The following SUSD3 variants were observed in gnomAD, a reference collection of about 807,000 sequenced individuals.
SUSD3 encodes the protein sushi domain-containing protein 3.
A neutral mutation model predicts 20.6 loss-of-function variants in SUSD3; 18 were observed. The ratio of observed to expected loss-of-function variants is 0.87; its 90% CI spans 0.60 to 1.30. The LOEUF is 1.30. Ranked by LOEUF, SUSD3 falls within the 50% of genes most tolerant of loss-of-function variation. The pLI, the probability that SUSD3 is intolerant of heterozygous loss-of-function variation, is 0.00. For synonymous variants in SUSD3, 137 were observed against 141.5 expected (o/e 0.97, Z 0.23); for missense variants, 306 against 346.9 (o/e 0.88, Z 0.94).
chr9:93,075,736 G>GCC lies in SUSD3; in HGVS notation c.89-46_89-45dup, dbSNP rs766505876. ...GGTCCTGCCCAGCCCTGCCCTGCGT[G>GCC]CCCACCCCCCCCCCCCCGCCATGCC... On this transcript the variant is annotated intron_variant, in intron 1 of 4. Coordinates refer to ENST00000375472, the MANE Select transcript of SUSD3 (RefSeq NM_145006.4). 92 of 272,370 alleles carry GCC rather than the reference G, an allele frequency of 3.4e-4. 1 individual carries two copies. Among genetic ancestry groups the GCC allele is most frequent in the African/African-American group, 3.3e-3 (34 of 10,368 alleles). 16.9% of individuals were successfully genotyped at this position (272,370 alleles called of 1,614,324 possible).
intron 2 of SUSD3, among the ~76,000 whole-genome samples, chr9:93,076,254 T>C (rs1826160069): frequency 6.6e-6 from 1 of 152,264 alleles, no homozygotes; most frequent in Non-Finnish European, 1.5e-5. Context: ...GCCAAGAGGC[T>C]GTGCATGCTC....
chr9:93,083,690 C>T (rs986980617), intron 4 of SUSD3, among the ~76,000 whole-genome samples: 18 of 152,204 alleles, frequency 1.2e-4, no homozygotes, highest in Non-Finnish European at 2.1e-4. Context: ...CCTGCCTCCC[C>T]GAAGCTGCCT....
chr9:93,064,304 C>G (rs1271825652), intron 1 of SUSD3, among the ~76,000 whole-genome samples: 2 of 152,186 alleles, frequency 1.3e-5, no homozygotes, highest in Non-Finnish European at 2.9e-5. Flanking sequence ...CCTTGGCCTC[C>G]CAAAGTGCTG....
chr9:93,075,742 C>G, intron 1 of SUSD3, 42 bp from the exon 2 acceptor site: 1 of 104,504 alleles, frequency 9.6e-6, no homozygotes, highest in Non-Finnish European at 2.0e-5. Flanking sequence ...GCGTGCCCAC[C>G]CCCCCCCCCC....
chr9:93,081,846 C>T (rs1564196160), intron 4 of SUSD3, among the ~76,000 whole-genome samples: 1 of 152,172 alleles, frequency 6.6e-6, no homozygotes, highest in East Asian at 1.9e-4. Context: ...CCAAAGCTTC[C>T]AATATCTGCT....
At chr9:93,075,192 G>T (rs1826078919) in intron 1 of SUSD3, among the ~76,000 whole-genome samples, 2 of 152,066 alleles carry the variant, frequency 1.3e-5, no homozygotes, top group Admixed American at 6.6e-5. Flanking sequence ...TCACACATTA[G>T]AACTTGTTGG....
chr9:93,078,244 C>T (rs1458405588), intron 3 of SUSD3, among the ~76,000 whole-genome samples: 2 of 152,164 alleles, frequency 1.3e-5, no homozygotes, highest in African/African-American at 2.4e-5. Flanking sequence ...TATGGGTTCA[C>T]GGGGGATTAT....
chr9:93,067,276 A>G (rs1267741673), intron 1 of SUSD3, among the ~76,000 whole-genome samples: 1 of 152,200 alleles, frequency 6.6e-6, no homozygotes, highest in African/African-American at 2.4e-5. Flanking sequence ...TGATGATTTA[A>G]TAGTACTCTG....
At chr9:93,060,439 C>T (rs1234778409) in intron 1 of SUSD3, among the ~76,000 whole-genome samples, 1 of 152,262 alleles carries the variant, frequency 6.6e-6, no homozygotes, top group East Asian at 1.9e-4. Context: ...ATCTGGACTC[C>T]ATCACTCCCC....
In SUSD3 at chr9:93,075,852, G is replaced by A. The variant is rs756362131; in HGVS notation, c.157G>A (p.Val53Met). 1.3e-5 allele frequency: 21 copies of A among 1,612,718 alleles called. No homozygotes were observed. The Admixed American group carries it at 2.8e-4, about 22-fold the overall frequency. ...FQVLRGNGAS[V>M]GTVLMFRCPS... ...AGTCCTTCGTGGCAATGGTGCTTCC[G>A]TGGGGACCGTGCTCATGTTCCGCTG... is the stretch of plus-strand genomic sequence containing the variant. The change falls in exon 2 of 5, where the codon GTG becomes ATG. Residue 53 changes from valine to methionine, a missense_variant. Coordinates refer to ENST00000375472, the MANE Select transcript of SUSD3 (RefSeq NM_145006.4).
intron 2 of SUSD3, among the ~76,000 whole-genome samples, chr9:93,076,213 C>T (rs538561817): frequency 7.4e-4 from 113 of 152,320 alleles, no homozygotes; most frequent in Middle Eastern, 3.4e-3. Context: ...GGCCTCCAAT[C>T]CTGGCTCTGC....
At chr9:93,075,731 T>TGGGGGGGGGGGGG in intron 1 of SUSD3, 53 bp from the exon 2 acceptor site, 3 of 398,890 alleles carry the variant, frequency 7.5e-6, no homozygotes, top group East Asian at 4.8e-5. Context: ...AGCCCTGCCC[T>TGGGGGGGGGGGGG]GCGTGCCCAC....
At position 93,069,259 on chromosome 9, in the gene SUSD3, A is replaced by T. The variant is rs1436368333; in HGVS notation, c.89-6525A>T. 8.0e-6 allele frequency: 5 copies of T among 627,818 alleles called. No individual in the cohort carries two copies. In the African/African-American group the frequency reaches 9.0e-5, roughly 11 times the overall value. 38.9% of individuals were successfully genotyped at this position (627,818 alleles called of 1,614,324 possible). ...ACTTAGTAGCCCTCTGGGTTATCAGACCCCCTGATACTGCAGTGCTTGTGT... is the reference window on the plus strand; with the variant it reads ...ACTTAGTAGCCCTCTGGGTTATCAGTCCCCCTGATACTGCAGTGCTTGTGT... On this transcript the variant is annotated intron_variant, in intron 1 of 4. Transcript: ENST00000375472.
intron 1 of SUSD3, among the ~76,000 whole-genome samples, chr9:93,072,240 G>C (rs1038020158): frequency 1.3e-5 from 2 of 152,066 alleles, no homozygotes; most frequent in African/African-American, 4.8e-5. Flanking sequence ...CTCCCAAAGC[G>C]GTGGGGCATG....
intron 1 of SUSD3, among the ~76,000 whole-genome samples, chr9:93,065,063 T>C (rs1280372229): frequency 6.6e-6 from 1 of 152,182 alleles, no homozygotes; most frequent in Non-Finnish European, 1.5e-5. Flanking sequence ...GGGTCCTGGA[T>C]GGGGAGTGGT....
At position 93,075,740 on chromosome 9, in the gene SUSD3, A is replaced by ACCC. The variant is rs748856301; in HGVS notation, c.89-33_89-31dup. The ACCC allele has an allele frequency of 1.8e-4, 27 of 147,308 alleles. 1 individual carries two copies. The African/African-American group carries it at 2.5e-3, about 14-fold the overall frequency. 9.1% of individuals were successfully genotyped at this position (147,308 alleles called of 1,614,324 possible). A position where few individuals can be genotyped will look rare whatever the true frequency, so the allele number is the denominator to read the frequency against. On this transcript the variant is annotated intron_variant, in intron 1 of 4. Coordinates refer to ENST00000375472, the MANE Select transcript of SUSD3 (RefSeq NM_145006.4). ...CTGCCCAGCCCTGCCCTGCGTGCCC[A>ACCC]CCCCCCCCCCCCCGCCATGCCTCAT...
chr9:93,059,991 G>A (rs895083546), intron 1 of SUSD3, among the ~76,000 whole-genome samples: 4 of 152,216 alleles, frequency 2.6e-5, no homozygotes, highest in African/African-American at 9.6e-5. Flanking sequence ...CCAGGGCCTG[G>A]TACTACCTGA....
At chr9:93,066,722 A>ATTTTATTTTAT (rs149360325) in intron 1 of SUSD3, among the ~76,000 whole-genome samples, 1 of 151,410 alleles carries the variant, frequency 6.6e-6, no homozygotes, top group African/African-American at 2.4e-5. Flanking sequence ...ATTTTATTTT[A>ATTTTATTTTAT]TTTTTTGAGA....
intron 4 of SUSD3, 136 bp downstream of exon 4, chr9:93,079,738 C>G: frequency 1.1e-6 from 1 of 892,148 alleles, no homozygotes; most frequent in Non-Finnish European, 1.7e-6. Flanking sequence ...CCTTAACTCC[C>G]ATCTCTAAAA....
Sources: gnomAD v4.1 joint callset for allele counts (sites outside exome capture counted in the v4.1 genomes callset) on GRCh38, gnomAD v4.1.1 for gene constraint, MANE v1.5 for transcripts, NCBI Gene and HGNC (gene_info 2026-07-23, HGNC 2026-07-21) for gene names.